Variants in UNC5CL observed in about 807,000 individuals in gnomAD.
The protein encoded by UNC5CL is unc-5 family C-terminal like.
In UNC5CL, 42 loss-of-function variants were observed where a neutral mutation model predicts 54.1. The ratio of observed to expected loss-of-function variants is 0.78; its 90% CI spans 0.61 to 1.00. The LOEUF is 1.00. Ranked by LOEUF, UNC5CL falls within the 50% of genes least tolerant of loss-of-function variation. The pLI is 0.00. For synonymous variants in UNC5CL, 285 were observed against 285.1 expected (o/e 1.00, Z 0.00); for missense variants, 619 against 675.6 (o/e 0.92, Z 0.93).
At chr6:41,035,449 TG>T (rs1762513274) in intron 1 of UNC5CL, among the ~76,000 whole-genome samples, 1 of 152,014 alleles carries the variant, frequency 6.6e-6, no homozygotes, top group Admixed American at 6.5e-5. Context: ...GCCCCAAAAT[TG>T]GGGCTTAGTT....
At position 41,033,919 on chromosome 6, in the gene UNC5CL, G is replaced by C; in HGVS notation, c.648C>G (p.Ala216=). 1 of 1,613,900 alleles carries C rather than the reference G, an allele frequency of 6.2e-7. No homozygotes were observed. Among genetic ancestry groups the C allele is most frequent in the South Asian group, 1.1e-5 (1 of 91,076 alleles). ...WRPLGRPGAH[A]SRDECRIHLS... is the part of the protein sequence containing the mutation. The stretch of plus-strand genomic sequence containing the variant: ...GGTGGATGCGACACTCATCCCGGGA[G>C]GCGTGGGCCCCCGGCCGCCCCAGGG... The change falls in exon 3 of 9, where the codon GCC becomes GCG. Residue 216 remains alanine (A), a synonymous_variant. Transcript: ENST00000244565.
rs889398589 is a variant in UNC5CL at position 41,029,035 on chromosome 6, A to G, written c.1335-440T>C. Among the ~76,000 whole-genome samples, 1 of 149,640 alleles carries G rather than the reference A, an allele frequency of 6.7e-6. No individual in the cohort carries two copies. Among genetic ancestry groups the G allele is most frequent in the Admixed American group, 6.8e-5 (1 of 14,808 alleles). On this transcript the variant is annotated intron_variant, in intron 8 of 8. Coordinates refer to ENST00000244565, the MANE Select transcript of UNC5CL (RefSeq NM_173561.3). The surrounding 1 kb of genome is among the most constrained non-coding windows in gnomAD (Gnocchi z 4.1). Reference sequence around the variant, plus strand: ...ACTAAGGAAACAGTTGCTGTAAACCATGGCTTTTTATCACGACTCTCCCGT... The same window carrying G: ...ACTAAGGAAACAGTTGCTGTAAACCGTGGCTTTTTATCACGACTCTCCCGT...
At position 41,028,329 on chromosome 6, in the gene UNC5CL, C is replaced by A; in HGVS notation, c.*44G>T. 6.7e-7 allele frequency: 1 copy of A among 1,494,088 alleles called. No individual in the cohort carries two copies. The highest frequency in any genetic ancestry group is 8.9e-7 in the Non-Finnish European group (1 of 1,117,332). 92.6% of individuals were successfully genotyped at this position (1,494,088 alleles called of 1,614,324 possible). On this transcript the variant is annotated 3_prime_UTR_variant, in exon 9 of 9. Transcript: ENST00000244565. The surrounding 1 kb of genome is among the most constrained non-coding windows in gnomAD (Gnocchi z 4.3). ...GTTCCTCTTAGGCGTAGGAGAACAA[C>A]CCCTCTCGCCCCTACACCTCCTCCG... is the stretch of plus-strand genomic sequence containing the variant.
In UNC5CL at chr6:41,028,220, G is replaced by C; in HGVS notation, c.*153C>G. On this transcript the variant is annotated 3_prime_UTR_variant, in exon 9 of 9. Transcript: ENST00000244565. The surrounding 1 kb of genome is among the most constrained non-coding windows in gnomAD (Gnocchi z 4.3). ...GGCCGGAAGGGCGCGCCTGCTGCTG[G>C]GAGGCTGGCGAGGACGCGGGCGGCC... 1 of 803,286 alleles carries C rather than the reference G, an allele frequency of 1.2e-6. No homozygotes were observed. Among genetic ancestry groups the C allele is most frequent in the Non-Finnish European group, 1.9e-6 (1 of 535,902 alleles). The allele number at this position is 803,286 out of a possible 1,614,324, so 49.8% of individuals were successfully genotyped here.
intron 2 of UNC5CL, 48 bp from the exon 3 acceptor site, chr6:41,034,229 C>G (rs1402002320): frequency 6.5e-7 from 1 of 1,544,544 alleles, no homozygotes; most frequent in African/African-American, 1.4e-5. Flanking sequence ...GCAGGCACAC[C>G]CCTGCCCCTG....
Position 41,034,156 on chromosome 6 carries a change from C to T in UNC5CL, c.411G>A (p.Glu137=). ...PPGAVAVGRQ[E]RVSLILVWDL... ...CCCACACCAGGATCAAAGACACCCG[C>T]TCCTGGCGGCCCACAGCCACAGCAC... Residue 137 remains glutamate, a synonymous_variant, in exon 3 of 9, where the codon GAG becomes GAA. Transcript: ENST00000244565. 1 of 1,609,714 alleles carries T rather than the reference C, an allele frequency of 6.2e-7. No homozygotes were observed. The highest frequency in any genetic ancestry group is 8.5e-7 in the Non-Finnish European group (1 of 1,177,246).
At chr6:41,032,738 G>T in intron 4 of UNC5CL, 146 bp downstream of exon 4, 2 of 1,274,654 alleles carry the variant, frequency 1.6e-6, no homozygotes, top group Non-Finnish European at 2.1e-6. Flanking sequence ...TCCGGCCTGG[G>T]CAACAGAGCG....
At chr6:41,038,824 C>CG (rs1762550120) in intron 1 of UNC5CL, among the ~76,000 whole-genome samples, 1 of 152,218 alleles carries the variant, frequency 6.6e-6, no homozygotes, top group Non-Finnish European at 1.5e-5. Flanking sequence ...TAAGAAAACT[C>CG]TCAACCTTTC....
chr6:41,032,098 G>C lies in UNC5CL; in HGVS notation c.989C>G (p.Pro330Arg), dbSNP rs781032486. 4.9e-5 allele frequency: 79 copies of C among 1,614,210 alleles called. No individual in the cohort carries two copies. Among genetic ancestry groups the C allele is most frequent in the Non-Finnish European group, 6.6e-5 (78 of 1,180,044 alleles). ...NVDDSSCQLVPHLHIWHGKCP... is the reference protein window; with the variant it reads ...NVDDSSCQLVRHLHIWHGKCP... Reference sequence around the variant, plus strand: ...CTTTCCATGCCAGATGTGGAGATGGGGAACCAGCTGGCAACTGCTGTCATC... The same window carrying C: ...CTTTCCATGCCAGATGTGGAGATGGCGAACCAGCTGGCAACTGCTGTCATC... The change falls in exon 5 of 9, where the codon CCC (proline) becomes CGC (arginine). Residue 330 changes from proline (P) to arginine (R), a missense_variant. By Grantham distance (103) the Pro-to-Arg change is moderately radical. Transcript: ENST00000244565.
In UNC5CL at chr6:41,031,673, CA is replaced by C. The variant is rs769108442; in HGVS notation, c.1119+7del. 6.2e-7 allele frequency: 1 copy of C among 1,614,126 alleles called. No individual in the cohort carries two copies. Among genetic ancestry groups the C allele is most frequent in the East Asian group, 2.2e-5 (1 of 44,878 alleles). On this transcript the variant is annotated splice_region_variant and intron_variant, in intron 6 of 8. Coordinates refer to ENST00000244565, the MANE Select transcript of UNC5CL (RefSeq NM_173561.3). ...CTGCCCTTCCTCTGCCCCTCAGCTC[CA>C]ACTCACATCCTGGAAGGTGTGCATG...
rs375183902 is a variant in UNC5CL, at chr6:41,034,925, C to T, written c.150G>A (p.Glu50=). 8 of 1,614,168 alleles carry T rather than the reference C, an allele frequency of 5.0e-6. No homozygotes were observed. The highest frequency in any genetic ancestry group is 6.8e-6 in the Non-Finnish European group (8 of 1,180,002). ...GGGGGGTAGGCTGGGACACTGGTTC[C>T]TCTTGACCATTCAGTGTCCAGCAGG... ...LGACWTLNGQ[E]EPVSQPTPQL... Residue 50 remains glutamate, a synonymous_variant, in exon 2 of 9, where the codon GAG becomes GAA. Transcript: ENST00000244565.
At chr6:41,032,792 C>T in intron 4 of UNC5CL, 92 bp downstream of exon 4, 1 of 1,448,252 alleles carries the variant, frequency 6.9e-7, no homozygotes, top group Non-Finnish European at 9.1e-7. Context: ...ACTTGGGATC[C>T]CCAGATCTCC....
At chr6:41,032,194 G>A (rs1762462929) in intron 4 of UNC5CL, 57 bp from the exon 5 acceptor site, 5 of 1,424,876 alleles carry the variant, frequency 3.5e-6, no homozygotes, top group Non-Finnish European at 4.9e-6. Context: ...AACAAGTATT[G>A]AAGGGGGCTG....
rs762107330 is a variant in UNC5CL at position 41,031,733 on chromosome 6, T to C, written c.1067A>G (p.Asp356Gly). 1.9e-6 allele frequency: 3 copies of C among 1,614,026 alleles called. No individual in the cohort carries two copies. The highest frequency in any genetic ancestry group is 2.2e-5 in the East Asian group (1 of 44,886). ...GATCTCATTGGTTAGTGCTGAACAG[T>C]CCTCATTCTCATCGGCTATAAAGAG... is the stretch of plus-strand genomic sequence containing the variant. The part of the protein sequence containing the change: ...FRRKAADENE[D>G]CSALTNEIIV... Residue 356 changes from aspartate (D) to glycine (G), a missense_variant, in exon 6 of 9, where the codon GAC (aspartate) becomes GGC (glycine). By Grantham distance (94) the Asp-to-Gly change is moderately conservative. Coordinates refer to ENST00000244565, the MANE Select transcript of UNC5CL (RefSeq NM_173561.3).
Position 41,032,908 on chromosome 6 carries a change from G to A in UNC5CL, c.925C>T (p.Leu309=), listed in dbSNP as rs369790623. ...CCCTCTGAGATGTACGTGAGCTTCA[G>A]GCACTGGTCGCCCCTAGCCCCATTG... ...DFNGARGDQC[L]KLTYISEGWE... The change falls in exon 4 of 9, where the codon CTG becomes TTG. Residue 309 remains leucine (L), a synonymous_variant. Coordinates refer to ENST00000244565, the MANE Select transcript of UNC5CL (RefSeq NM_173561.3). 5.0e-6 allele frequency: 8 copies of A among 1,605,218 alleles called. No individual in the cohort carries two copies. Among genetic ancestry groups the A allele is most frequent in the Non-Finnish European group, 6.8e-6 (8 of 1,175,862 alleles).
At chr6:41,031,612 C>T in intron 6 of UNC5CL, 69 bp downstream of exon 6, 1 of 1,465,882 alleles carries the variant, frequency 6.8e-7, no homozygotes, top group Non-Finnish European at 9.6e-7. Context: ...GGGCACCAGA[C>T]CCTGTGCCCA....
chr6:41,029,292 C>CTTCA lies in UNC5CL; in HGVS notation c.1335-698_1335-697insTGAA, dbSNP rs1235028065. Among the ~76,000 whole-genome samples the CTTCA allele has an allele frequency of 6.6e-6, 1 of 152,250 alleles. No individual in the cohort carries two copies. Among genetic ancestry groups the CTTCA allele is most frequent in the African/African-American group, 2.4e-5 (1 of 41,458 alleles). On this transcript the variant is annotated intron_variant, in intron 8 of 8. Coordinates refer to ENST00000244565, the MANE Select transcript of UNC5CL (RefSeq NM_173561.3). This position sits in a 1 kb window ranked among gnomAD's most constrained non-coding sequence, Gnocchi z 4.1. ...TGATCTCTTCCCCATCACTTCCTCC[C>CTTCA]TGAAGCCCTTTCTAGTTCACCCCTC...
chr6:41,033,845 T>G lies in UNC5CL; in HGVS notation c.686+36A>C, dbSNP rs746076015. Reference sequence around the variant, plus strand: ...GCAGGAAAGACAGTCCTCAGAGAGATGGGTGTGGGAAGACAGGCCAATGGC... The same window carrying G: ...GCAGGAAAGACAGTCCTCAGAGAGAGGGGTGTGGGAAGACAGGCCAATGGC... On this transcript the variant is annotated intron_variant, in intron 3 of 8. Transcript: ENST00000244565. The G allele has an allele frequency of 2.0e-4, 319 of 1,591,724 alleles. 1 individual carries two copies. Among genetic ancestry groups the G allele is most frequent in the Non-Finnish European group, 2.6e-4 (303 of 1,167,436 alleles).
At chr6:41,036,128 A>G (rs1160216452) in intron 1 of UNC5CL, among the ~76,000 whole-genome samples, 2 of 152,276 alleles carry the variant, frequency 1.3e-5, no homozygotes, top group Non-Finnish European at 2.9e-5. Flanking sequence ...TGAACTACAC[A>G]TGTAATTTTA....
Sources: allele counts gnomAD v4.1 joint callset (sites outside exome capture counted in the v4.1 genomes callset), GRCh38; gene constraint gnomAD v4.1.1; non-coding constraint Gnocchi (gnomAD v3.1); transcripts MANE v1.5; gene names NCBI Gene and HGNC (gene_info 2026-07-23, HGNC 2026-07-21).